PCDHA1: variants seen among roughly 807,000 people sequenced by gnomAD.
PCDHA1 encodes the protein protocadherin alpha-1.
Under a neutral mutation model 61.3 loss-of-function variants are expected in PCDHA1, and 42 were observed. The ratio of observed to expected loss-of-function variants is 0.69; its 90% confidence interval spans 0.54 to 0.89. The LOEUF (loss-of-function observed/expected upper bound fraction) is 0.89, where lower values mean the gene tolerates loss of function less well. Among genes scored for constraint, PCDHA1 ranks in the 40% least tolerant of loss-of-function variants. PCDHA1 has a pLI of 0.00. For missense variants in PCDHA1, 1,256 were observed against 1,235.3 expected (o/e 1.02, Z -0.25); for synonymous variants, 610 against 553.8 (o/e 1.10, Z -1.43).
At chr5:140,865,298 C>T (rs1213333279) in intron 1 of PCDHA1, 2 of 152,028 alleles carry the variant, frequency 1.3e-5, no homozygotes, top group Non-Finnish European at 2.9e-5. Flanking sequence ...CTTTTTGGCT[C>T]TAATTACAAA....
rs2098413689 is a variant in PCDHA1, at chr5:141,009,672, A to G, written c.2588A>G (p.Asn863Ser). Residue 863 changes from asparagine to serine, a missense_variant, in exon 4 of 4, where the codon AAC becomes AGC. Physicochemically the swap from Asn to Ser is conservative, Grantham distance 46. Transcript: ENST00000504120. The stretch of plus-strand genomic sequence containing the variant: ...TCCCCTCCAGTCGGTGCGGGTGTCA[A>G]CAGCAACAGCTGGACCTTTAAATAC... ...EVSPPVGAGV[N>S]SNSWTFKYGP... is the part of the protein sequence containing the mutation. 6.2e-7 allele frequency: 1 copy of G among 1,614,102 alleles called. No homozygotes were observed. The highest frequency in any genetic ancestry group is 1.1e-5 in the South Asian group (1 of 91,070).
rs2067929537 is a variant in PCDHA1 at position 140,900,315 on chromosome 5, T to C, written c.2395-78634T>C. Among the ~76,000 whole-genome samples the C allele has an allele frequency of 2.0e-5, 3 of 152,186 alleles. No homozygotes were observed. The East Asian group carries it at 5.8e-4, about 29-fold the overall frequency. On this transcript the variant is annotated intron_variant, in intron 1 of 3. Transcript: ENST00000504120. ...GTTTTTTTAGACAGTCTCACTTTTG[T>C]CGCCCAGGCTGGAGTACCGTGGCGC...
chr5:140,786,736 A>T lies in PCDHA1; in HGVS notation c.446A>T (p.Asn149Ile). ...TTTATTCCTGAATCTAGACTCCTGA[A>T]TTCGCGTTTTCCGATAGAAGGAGCT... ...IIFIPESRLL[N>I]SRFPIEGAAD... Residue 149 changes from asparagine to isoleucine, a missense_variant, in exon 1 of 4, where the codon AAT becomes ATT. Coordinates refer to ENST00000504120, the MANE Select transcript of PCDHA1 (RefSeq NM_018900.4). 3.7e-6 allele frequency: 6 copies of T among 1,614,220 alleles called. No individual in the cohort carries two copies. The highest frequency in any genetic ancestry group is 5.1e-6 in the Non-Finnish European group (6 of 1,180,046).
intron 1 of PCDHA1, among the ~76,000 whole-genome samples, chr5:140,901,369 C>G (rs1366309820): frequency 1.3e-5 from 2 of 152,120 alleles, no homozygotes; most frequent in African/African-American, 2.4e-5. Flanking sequence ...GTCTTTAATC[C>G]ATTTTAATTC....
intron 1 of PCDHA1, chr5:140,836,574 G>T: frequency 6.2e-7 from 1 of 1,613,706 alleles, no homozygotes; most frequent in Non-Finnish European, 8.5e-7. Flanking sequence ...CTCTGAGGGC[G>T]CATGTAGTTT....
chr5:140,941,191 T>TTTTTTTTCTTTC (rs1554213809), intron 1 of PCDHA1, among the ~76,000 whole-genome samples: 2 of 93,204 alleles, frequency 2.1e-5, no homozygotes, highest in African/African-American at 7.9e-5. Context: ...GCTTCTTTTT[T>TTTTTTTTCTTTC]TTTCTTTCTT....
Position 140,967,862 on chromosome 5 carries a change from G to T in PCDHA1, c.2395-11087G>T, listed in dbSNP as rs781878230. On this transcript the variant is annotated intron_variant, in intron 1 of 3. Transcript: ENST00000504120. ...CGTGAATGACAATGCCCCAGAGGTG[G>T]TGCTCACGGACCTGTATAGCCCAGT... The T allele has an allele frequency of 8.1e-6, 13 of 1,614,170 alleles. No individual in the cohort carries two copies. The East Asian group carries it at 2.5e-4, about 30-fold the overall frequency.
intron 1 of PCDHA1, chr5:140,822,712 A>G (rs1374875942): frequency 2.5e-6 from 4 of 1,610,830 alleles, no homozygotes; most frequent in African/African-American, 2.7e-5. Flanking sequence ...TGAAGACTAT[A>G]ACTCATATGA....
intron 1 of PCDHA1, chr5:140,795,327 G>A (rs781807176): frequency 1.2e-6 from 2 of 1,614,238 alleles, no homozygotes; most frequent in Non-Finnish European, 1.7e-6. Flanking sequence ...ATGTGGAAGT[G>A]GAGGTGAAGG....
At chr5:140,830,144 GGCGC>G (rs1770849922) in intron 1 of PCDHA1, 1 of 1,613,236 alleles carries the variant, frequency 6.2e-7, no homozygotes, top group East Asian at 2.2e-5. Context: ...GGCGTCGGTG[GGCGC>G]CGCGGGCCCA....
chr5:140,795,925 A>C, intron 1 of PCDHA1: 5 of 1,613,964 alleles, frequency 3.1e-6, no homozygotes, highest in Non-Finnish European at 4.2e-6. Flanking sequence ...GATTCAGGTC[A>C]CTGCAACTGA....
At chr5:140,836,132 G>A (rs1774227374) in intron 1 of PCDHA1, 2 of 1,613,758 alleles carry the variant, frequency 1.2e-6, no homozygotes, top group Non-Finnish European at 1.7e-6. Context: ...TTGTGCCGCG[G>A]TCTGTGGGCG....
intron 1 of PCDHA1, chr5:140,967,728 G>T: frequency 6.2e-7 from 1 of 1,614,176 alleles, no homozygotes; most frequent in East Asian, 2.2e-5. Context: ...CGAGTAATTG[G>T]GGGGCTGGAT....
chr5:140,972,766 T>G (rs2096555102), intron 1 of PCDHA1, among the ~76,000 whole-genome samples: 1 of 149,250 alleles, frequency 6.7e-6, no homozygotes, highest in African/African-American at 2.5e-5. Flanking sequence ...CAAGTTAAAG[T>G]GATTCTTCTG....
At chr5:140,795,487 A>G in intron 1 of PCDHA1, 1 of 1,614,170 alleles carries the variant, frequency 6.2e-7, no homozygotes, top group Non-Finnish European at 8.5e-7. Flanking sequence ...GCTCAGCTCC[A>G]GTGAGTTTTT....
intron 1 of PCDHA1, chr5:140,871,453 G>A (rs1554165628): frequency 6.2e-7 from 1 of 1,607,586 alleles, no homozygotes; most frequent in Non-Finnish European, 8.5e-7. Flanking sequence ...TAAAGAGGAG[G>A]AAGGGGAAAG....
At chr5:140,995,317 C>T (rs1554254587) in intron 3 of PCDHA1, among the ~76,000 whole-genome samples, 1 of 152,118 alleles carries the variant, frequency 6.6e-6, no homozygotes, top group Non-Finnish European at 1.5e-5. Flanking sequence ...TCTAAGTGAA[C>T]TAACAGGTGA....
chr5:140,846,051 C>T lies in PCDHA1; in HGVS notation c.2394+57367C>T, dbSNP rs2150384133. Among the ~76,000 whole-genome samples the T allele has an allele frequency of 2.0e-5, 3 of 149,742 alleles. No individual in the cohort carries two copies. In the South Asian group the frequency reaches 6.3e-4, roughly 32 times the overall value. ...TTTAGGAAAGTCAAGTTAACACCAC[C>T]TATGTGGGAAAACAGTTTTTTGGAA... On this transcript the variant is annotated intron_variant, in intron 1 of 3. Coordinates refer to ENST00000504120, the MANE Select transcript of PCDHA1 (RefSeq NM_018900.4).
chr5:140,981,504 G>A (rs1435264364), intron 2 of PCDHA1, among the ~76,000 whole-genome samples: 1 of 152,182 alleles, frequency 6.6e-6, no homozygotes, highest in African/African-American at 2.4e-5. Flanking sequence ...AACCTGGGAG[G>A]CAGAGGTTGC....
Sources: allele counts gnomAD v4.1 joint callset (sites outside exome capture counted in the v4.1 genomes callset), GRCh38; gene constraint gnomAD v4.1.1; transcripts MANE v1.5; gene names NCBI Gene and HGNC (gene_info 2026-07-23, HGNC 2026-07-21).